EPHA6: variants seen among roughly 807,000 people sequenced by gnomAD.
The protein encoded by EPHA6 is EPH receptor A6, also known as ephrin type-A receptor 6.
In EPHA6, 50 loss-of-function variants were observed where a neutral mutation model predicts 112.0. The observed-to-expected ratio is 0.45, with a 90% confidence interval of 0.36 to 0.56. The LOEUF (loss-of-function observed/expected upper bound fraction) is 0.56, where lower values mean the gene tolerates loss of function less well. Ranked by LOEUF, EPHA6 falls within the 20% of genes least tolerant of loss-of-function variation. The pLI, the probability that EPHA6 is intolerant of heterozygous loss-of-function variation, is 0.00. For missense variants in EPHA6, 1,280 were observed against 1,417.4 expected, an observed-to-expected ratio of 0.90 and a Z score of 1.56; for synonymous variants, 529 against 490.7, an observed-to-expected ratio of 1.08 and a Z score of -1.03.
At chr3:97,134,632 G>A (rs533022031) in intron 3 of EPHA6, among the ~76,000 whole-genome samples, 8 of 152,138 alleles carry the variant, frequency 5.3e-5, no homozygotes, top group Admixed American at 5.2e-4. Context: ...CTTATGCTTT[G>A]TTATTAAAGA....
At chr3:97,429,288 G>A (rs1239642395) in intron 6 of EPHA6, among the ~76,000 whole-genome samples, 1 of 152,070 alleles carries the variant, frequency 6.6e-6, no homozygotes, top group African/African-American at 2.4e-5. Context: ...TTTAAATTAT[G>A]CATGTATCTT....
chr3:97,608,029 AT>A (rs2093692352), intron 12 of EPHA6, among the ~76,000 whole-genome samples: 1 of 150,948 alleles, frequency 6.6e-6, no homozygotes, highest in Non-Finnish European at 1.5e-5. Flanking sequence ...TCTTCACAGT[AT>A]GACTAGTTTC....
chr3:97,445,387 C>T lies in EPHA6; in HGVS notation c.1732-3181C>T, dbSNP rs527341595. 3.9e-5 allele frequency among the ~76,000 whole-genome samples: 6 copies of T among 152,232 alleles called. No homozygotes were observed. The South Asian group carries it at 8.3e-4, about 21-fold the overall frequency. ...AGGTTCACTTTATGCCATTTATTTA[C>T]TCCCTGATACCATGTCTTAATCCAC... On this transcript the variant is annotated intron_variant, in intron 6 of 17. Transcript: ENST00000389672.
In EPHA6 at chr3:97,484,091, C is replaced by G. The variant is rs3762666; in HGVS notation, c.2200+32C>G. On this transcript the variant is annotated intron_variant, in intron 10 of 17. Transcript: ENST00000389672. ...GTCAAATCTACACTTTTGAACAAAA[C>G]ATTCCTTAATTTCTTTGTAACTGGT... The G allele has an allele frequency of 0.015, 23,290 of 1,570,280 alleles. 2,107 individuals carry two copies. The African/African-American group carries it at 0.23, about 16-fold the overall frequency.
At chr3:96,824,898 C>T (rs1164995818) in intron 1 of EPHA6, among the ~76,000 whole-genome samples, 1 of 151,746 alleles carries the variant, frequency 6.6e-6, no homozygotes, top group Non-Finnish European at 1.5e-5. Flanking sequence ...CCCCTGCCCT[C>T]CCGCAAAGGA....
At position 97,405,218 on chromosome 3, in the gene EPHA6, G is replaced by A. The variant is rs1048245313; in HGVS notation, c.1675G>A (p.Ala559Thr). ...SQNSIALSWQ[A>T]PAFSNGAILD... ...AAATAGCATTGCCCTATCATGGCAAGCACCTGCTTTTTCCAATGGAGCCAT... is the reference window on the plus strand; with the variant it reads ...AAATAGCATTGCCCTATCATGGCAAACACCTGCTTTTTCCAATGGAGCCAT... Residue 559 changes from alanine to threonine, a missense_variant, in exon 6 of 18, where the codon GCA (alanine) becomes ACA (threonine). Ala to Thr is a moderately conservative substitution (Grantham distance 58, BLOSUM62 0). Transcript: ENST00000389672. The A allele has an allele frequency of 6.2e-7, 1 of 1,610,096 alleles. No homozygotes were observed. The highest frequency in any genetic ancestry group is 8.5e-7 in the Non-Finnish European group (1 of 1,177,956).
intron 12 of EPHA6, among the ~76,000 whole-genome samples, chr3:97,593,133 G>A (rs556972635): frequency 6.6e-6 from 1 of 152,018 alleles, no homozygotes; most frequent in Non-Finnish European, 1.5e-5. Context: ...AGAGTTGATA[G>A]AGAATTAAAG....
At chr3:96,922,975 C>T (rs1056896011) in intron 2 of EPHA6, among the ~76,000 whole-genome samples, 1 of 152,126 alleles carries the variant, frequency 6.6e-6, no homozygotes, top group Admixed American at 6.6e-5. Context: ...TGATTTCATT[C>T]TTTTTTATGG....
intron 2 of EPHA6, among the ~76,000 whole-genome samples, chr3:96,896,707 A>G (rs2107557475): frequency 6.6e-6 from 1 of 152,308 alleles, no homozygotes; most frequent in East Asian, 1.9e-4. Flanking sequence ...TATCTTGGGA[A>G]GGAAGGGCCA....
intron 7 of EPHA6, among the ~76,000 whole-genome samples, chr3:97,469,910 C>T (rs1443425267): frequency 1.3e-5 from 2 of 151,590 alleles, no homozygotes; most frequent in East Asian, 3.9e-4. Flanking sequence ...GGCTGTGTCA[C>T]TGGTAATAGA....
At chr3:97,284,969 T>C (rs959402094) in intron 5 of EPHA6, among the ~76,000 whole-genome samples, 5 of 152,148 alleles carry the variant, frequency 3.3e-5, no homozygotes, top group Non-Finnish European at 5.9e-5. Context: ...GTTTATGTGT[T>C]TAGCATTTAA....
At chr3:97,260,064 G>A (rs2079449080) in intron 5 of EPHA6, among the ~76,000 whole-genome samples, 1 of 152,182 alleles carries the variant, frequency 6.6e-6, no homozygotes, top group Admixed American at 6.5e-5. Flanking sequence ...GCCTCCCAAA[G>A]TGCTGGGATT....
intron 3 of EPHA6, among the ~76,000 whole-genome samples, chr3:97,096,627 A>G (rs1389974103): frequency 6.6e-6 from 1 of 151,914 alleles, no homozygotes; most frequent in African/African-American, 2.4e-5. Context: ...CATGGGAGAA[A>G]AAAGTCAGTA....
intron 5 of EPHA6, among the ~76,000 whole-genome samples, chr3:97,264,547 C>G (rs1010716500): frequency 6.6e-6 from 1 of 152,224 alleles, no homozygotes; most frequent in African/African-American, 2.4e-5. Context: ...GCTCCCAGGT[C>G]TGGACTCCTC....
intron 14 of EPHA6, among the ~76,000 whole-genome samples, chr3:97,643,139 A>G (rs943103196): frequency 2.0e-5 from 3 of 152,068 alleles, no homozygotes; most frequent in African/African-American, 7.2e-5. Flanking sequence ...CCAATATTCA[A>G]CATTCTTAAA....
At chr3:96,977,649 G>T (rs755450000) in intron 2 of EPHA6, among the ~76,000 whole-genome samples, 2 of 151,928 alleles carry the variant, frequency 1.3e-5, no homozygotes, top group East Asian at 1.9e-4. Flanking sequence ...ATAACTAAAA[G>T]GTTAAAATTG....
chr3:97,443,334 T>C (rs2090204409), intron 6 of EPHA6, among the ~76,000 whole-genome samples: 1 of 144,786 alleles, frequency 6.9e-6, no homozygotes, highest in African/African-American at 2.6e-5. Context: ...ACAAGAGCTT[T>C]ACCACTGTCT....
Position 97,085,928 on chromosome 3 carries a change from CAT to C in EPHA6, c.1114+97955_1114+97956del, listed in dbSNP as rs67777487. On this transcript the variant is annotated intron_variant, in intron 3 of 17. Coordinates refer to ENST00000389672, the MANE Select transcript of EPHA6 (RefSeq NM_001080448.3). ...TTGTGAGCTTTTATATATATGATGT[CAT>C]ATATATATATATATATATACACACT... 2.7e-3 allele frequency among the ~76,000 whole-genome samples: 326 copies of C among 118,994 alleles called. 2 individuals are homozygous for C. The highest frequency in any genetic ancestry group is 2.7e-3 in the Non-Finnish European group (166 of 61,350). 78.1% of individuals were successfully genotyped at this position (118,994 alleles called of 152,430 possible).
intron 3 of EPHA6, among the ~76,000 whole-genome samples, chr3:97,017,359 G>C (rs541760656): frequency 6.6e-6 from 1 of 152,270 alleles, no homozygotes; most frequent in East Asian, 1.9e-4. Flanking sequence ...TGTAATAGCA[G>C]AAAGCAAAAC....
Sources: gnomAD v4.1 joint callset for allele counts (sites outside exome capture counted in the v4.1 genomes callset) on GRCh38, gnomAD v4.1.1 for gene constraint, MANE v1.5 for transcripts, NCBI Gene and HGNC (gene_info 2026-07-23, HGNC 2026-07-21) for gene names.